The following MAGI2 variants were observed in gnomAD, a reference collection of about 807,000 sequenced individuals.
MAGI2 encodes membrane-associated guanylate kinase, WW and PDZ domain-containing protein 2.
MAGI2 carries 35 observed loss-of-function variants against 133.3 expected under a neutral mutation model. The ratio of observed to expected loss-of-function variants is 0.26; its 90% CI spans 0.20 to 0.35. The LOEUF (loss-of-function observed/expected upper bound fraction) is 0.35, where lower values mean the gene tolerates loss of function less well. Ranked by LOEUF, MAGI2 falls within the 10% of genes least tolerant of loss-of-function variation. MAGI2 has a pLI of 1.00. For synonymous variants in MAGI2, 729 were observed against 710.6 expected (o/e 1.03, Z -0.41); for missense variants, 1,636 against 1,863.4 (o/e 0.88, Z 2.25).
At chr7:79,090,674 G>C (rs1267350501) in intron 1 of MAGI2, among the ~76,000 whole-genome samples, 1 of 152,138 alleles carries the variant, frequency 6.6e-6, no homozygotes, top group Non-Finnish European at 1.5e-5. Context: ...ATCATTTGTG[G>C]TTAGACAGGA....
chr7:78,652,973 A>G (rs1811737473), intron 2 of MAGI2, among the ~76,000 whole-genome samples: 1 of 152,170 alleles, frequency 6.6e-6, no homozygotes, highest in Non-Finnish European at 1.5e-5. Flanking sequence ...AAGTGGGCAA[A>G]GGATATGAAC....
At chr7:78,904,479 T>G (rs1203020427) in intron 2 of MAGI2, among the ~76,000 whole-genome samples, 1 of 152,092 alleles carries the variant, frequency 6.6e-6, no homozygotes, top group African/African-American at 2.4e-5. Context: ...TCTCTATAAC[T>G]TGTGGTTAAC....
intron 1 of MAGI2, among the ~76,000 whole-genome samples, chr7:79,312,047 C>T (rs148426135): frequency 1.1e-4 from 16 of 152,294 alleles, no homozygotes; most frequent in East Asian, 9.6e-4. Context: ...ATTTAATACA[C>T]ATTAAGGTCA....
chr7:79,055,908 C>T (rs1813108055), intron 1 of MAGI2, among the ~76,000 whole-genome samples: 3 of 152,122 alleles, frequency 2.0e-5, no homozygotes, highest in Non-Finnish European at 4.4e-5. Flanking sequence ...GTAATGATCC[C>T]TCCAGTTAAT....
Position 78,132,891 on chromosome 7 carries a change from A to G in MAGI2, c.3201T>C (p.Asn1067=), listed in dbSNP as rs200313004. ...PQPLQLQGHE[N]SYRSEVKARQ... is the part of the protein sequence containing the mutation. ...ACAAAAGTCAGAGGAAATTTTACCT[A>G]TTTTCGTGTCCTTGCAGCTGAAGTG... Residue 1067 remains asparagine, a splice_region_variant and synonymous_variant, in exon 18 of 22, where the codon AAT becomes AAC. Transcript: ENST00000354212. 12 of 1,613,330 alleles carry G rather than the reference A, an allele frequency of 7.4e-6. No individual in the cohort carries two copies. The highest frequency in any genetic ancestry group is 9.3e-6 in the Non-Finnish European group (11 of 1,179,828).
At chr7:78,551,364 C>T (rs1799318688) in intron 3 of MAGI2, among the ~76,000 whole-genome samples, 1 of 152,144 alleles carries the variant, frequency 6.6e-6, no homozygotes, top group Non-Finnish European at 1.5e-5. Context: ...TTGATTTTTG[C>T]ACTCACATTA....
chr7:78,641,829 T>G (rs1810349718), intron 2 of MAGI2, among the ~76,000 whole-genome samples: 1 of 152,172 alleles, frequency 6.6e-6, no homozygotes, highest in Non-Finnish European at 1.5e-5. Flanking sequence ...TCTTATGCAA[T>G]CTTTGAAATA....
chr7:78,124,680 C>G (rs994804277), intron 20 of MAGI2, among the ~76,000 whole-genome samples: 2 of 150,588 alleles, frequency 1.3e-5, no homozygotes, highest in Admixed American at 1.3e-4. Flanking sequence ...ATTCATACAC[C>G]GACACACACA....
intron 2 of MAGI2, among the ~76,000 whole-genome samples, chr7:78,782,626 T>G (rs951553793): frequency 2.6e-5 from 4 of 151,472 alleles, no homozygotes; most frequent in African/African-American, 9.7e-5. Flanking sequence ...AGTTGAGAAG[T>G]GAGAAAAGAT....
chr7:78,992,483 A>G (rs1400702891), intron 2 of MAGI2, among the ~76,000 whole-genome samples: 1 of 151,684 alleles, frequency 6.6e-6, no homozygotes, highest in Non-Finnish European at 1.5e-5. Flanking sequence ...TTTTTTTTGC[A>G]TTAACAACCA....
intron 3 of MAGI2, among the ~76,000 whole-genome samples, chr7:78,572,844 T>C (rs1801651610): frequency 6.6e-6 from 1 of 150,722 alleles, no homozygotes; most frequent in African/African-American, 2.4e-5. Flanking sequence ...GTATTTTTAA[T>C]AGATACAAGG....
chr7:79,329,673 G>A (rs1839926545), intron 1 of MAGI2, among the ~76,000 whole-genome samples: 1 of 152,174 alleles, frequency 6.6e-6, no homozygotes, highest in Non-Finnish European at 1.5e-5. Flanking sequence ...GCCATTTTTA[G>A]ATCCCGTCAA....
chr7:78,689,104 C>A (rs1340950361), intron 2 of MAGI2, among the ~76,000 whole-genome samples: 1 of 152,092 alleles, frequency 6.6e-6, no homozygotes, highest in Non-Finnish European at 1.5e-5. Flanking sequence ...TTTCACAATA[C>A]AAAGCAGTGT....
chr7:79,028,265 A>ATATATATG (rs1434615900), intron 1 of MAGI2, among the ~76,000 whole-genome samples: 83 of 23,006 alleles, frequency 3.6e-3, no homozygotes, highest in African/African-American at 0.011. Flanking sequence ...ATATATATAT[A>ATATATATG]TATGTATGTA....
chr7:78,485,019 AC>A (rs1464993114), intron 6 of MAGI2: 3 of 152,000 alleles, frequency 2.0e-5, no homozygotes, highest in African/African-American at 2.4e-5. Flanking sequence ...GAATGGTCCT[AC>A]AAGGCTTAAT....
At chr7:78,168,456 G>C (rs1445793156) in intron 14 of MAGI2, among the ~76,000 whole-genome samples, 1 of 152,090 alleles carries the variant, frequency 6.6e-6, no homozygotes, top group Non-Finnish European at 1.5e-5. Context: ...ATGAAGTTTT[G>C]GGGACACCTG....
intron 1 of MAGI2, among the ~76,000 whole-genome samples, chr7:79,339,206 C>T (rs1347815718): frequency 6.6e-6 from 1 of 152,050 alleles, no homozygotes; most frequent in East Asian, 1.9e-4. Flanking sequence ...TTTTAAAATT[C>T]AGTATTGCCA....
At chr7:78,736,903 G>C (rs1245946074) in intron 2 of MAGI2, among the ~76,000 whole-genome samples, 1 of 152,134 alleles carries the variant, frequency 6.6e-6, no homozygotes, top group Non-Finnish European at 1.5e-5. Flanking sequence ...AAAAATGCAA[G>C]TAACTTACTT....
At chr7:78,548,962 C>T (rs1217553326) in intron 3 of MAGI2, among the ~76,000 whole-genome samples, 1 of 152,122 alleles carries the variant, frequency 6.6e-6, no homozygotes, top group Non-Finnish European at 1.5e-5. Context: ...TGTATGTGCC[C>T]TTTTTACTAT....
Sources: allele counts gnomAD v4.1 joint callset (sites outside exome capture counted in the v4.1 genomes callset), GRCh38; gene constraint gnomAD v4.1.1; transcripts MANE v1.5; gene names NCBI Gene and HGNC (gene_info 2026-07-23, HGNC 2026-07-21).